The following COMMD1 variants were observed in gnomAD, a reference collection of about 807,000 sequenced individuals.
The protein encoded by COMMD1 is copper metabolism domain containing 1.
COMMD1 carries 10 observed loss-of-function variants against 17.2 expected under a neutral mutation model. The observed-to-expected ratio is 0.58, with a 90% CI of 0.36 to 0.99. The LOEUF is 0.99. Among genes scored for constraint, COMMD1 ranks in the 50% least tolerant of loss-of-function variants. The pLI is 0.01. For synonymous variants in COMMD1, 97 were observed against 91.6 expected, an observed-to-expected ratio of 1.06 and a Z score of -0.34; for missense variants, 270 against 231.8, an observed-to-expected ratio of 1.17 and a Z score of -1.07.
At chr2:61,912,712 C>T (rs560517766) in intron 1 of COMMD1, among the ~76,000 whole-genome samples, 5 of 143,932 alleles carry the variant, frequency 3.5e-5, no homozygotes, top group Non-Finnish European at 6.0e-5. Flanking sequence ...TCCAGCCTGG[C>T]GACAGAGCAA....
chr2:61,901,239 G>A (rs926685033), upstream of COMMD1, among the ~76,000 whole-genome samples: 7 of 151,812 alleles, frequency 4.6e-5, no homozygotes, highest in South Asian at 8.3e-4. Context: ...GAGCCACTGC[G>A]CACGACCAAA....
chr2:62,022,822 C>T (rs546823374), intron 2 of COMMD1, among the ~76,000 whole-genome samples: 10 of 152,242 alleles, frequency 6.6e-5, no homozygotes, highest in African/African-American at 2.2e-4. Flanking sequence ...ATGAGTGAGG[C>T]TTAAAGCCAG....
intron 2 of COMMD1, among the ~76,000 whole-genome samples, chr2:62,047,086 TG>T (rs1670404145): frequency 6.6e-6 from 1 of 152,158 alleles, no homozygotes; most frequent in Non-Finnish European, 1.5e-5. Context: ...ACAATCTGGT[TG>T]GGAAGACAGA....
intron 2 of COMMD1, among the ~76,000 whole-genome samples, chr2:62,053,383 A>G (rs927887898): frequency 2.0e-5 from 3 of 152,040 alleles, no homozygotes; most frequent in South Asian, 2.1e-4. Context: ...GTTTTGTGCA[A>G]TGAAAAAAAA....
intron 1 of COMMD1, among the ~76,000 whole-genome samples, chr2:61,988,501 G>T (rs929678622): frequency 6.6e-6 from 1 of 152,144 alleles, no homozygotes; most frequent in Non-Finnish European, 1.5e-5. Context: ...TCTCCTTGGT[G>T]CACTGTCTTA....
chr2:61,915,734 C>T (rs1388877960), intron 1 of COMMD1: 1 of 453,012 alleles, frequency 2.2e-6, no homozygotes. Flanking sequence ...TGGGCTTAAG[C>T]AACCCTCTCT....
chr2:62,127,051 C>G (rs1170241716), intron 2 of COMMD1, among the ~76,000 whole-genome samples: 1 of 152,110 alleles, frequency 6.6e-6, no homozygotes, highest in Non-Finnish European at 1.5e-5. Flanking sequence ...AATCAGTGTG[C>G]AAAAGTCACA....
chr2:61,954,529 G>C (rs963990091), intron 1 of COMMD1, among the ~76,000 whole-genome samples: 1 of 152,150 alleles, frequency 6.6e-6, no homozygotes, highest in Non-Finnish European at 1.5e-5. Flanking sequence ...AAAGGTAAGA[G>C]GGAAGTTAAT....
intron 2 of COMMD1, among the ~76,000 whole-genome samples, chr2:62,008,481 TTTATCAACG>T (rs1466866721): frequency 6.6e-6 from 1 of 152,210 alleles, no homozygotes; most frequent in Non-Finnish European, 1.5e-5. Context: ...GCCATTTTAT[TTTATCAACG>T]TTCAGTCACC....
At chr2:62,090,873 C>G (rs1309527498) in intron 2 of COMMD1, 1 of 152,170 alleles carries the variant, frequency 6.6e-6, no homozygotes, top group East Asian at 1.9e-4. Context: ...GGGGAGTATT[C>G]TTGTATTGTT....
intron 2 of COMMD1, among the ~76,000 whole-genome samples, chr2:62,121,841 G>C (rs1672758514): frequency 6.6e-6 from 1 of 152,002 alleles, no homozygotes; most frequent in Non-Finnish European, 1.5e-5. Context: ...ACCCAGGTTG[G>C]AGTGCAGTGG....
At chr2:61,888,615 AG>A, upstream of COMMD1, 1 of 1,342,976 alleles carries the variant, frequency 7.4e-7, no homozygotes, top group Non-Finnish European at 9.9e-7. Flanking sequence ...CGAACCTTCC[AG>A]AAAGCGGCGC....
intron 2 of COMMD1, chr2:62,084,878 AG>A (rs766096885): frequency 6.6e-6 from 1 of 152,226 alleles, no homozygotes; most frequent in Non-Finnish European, 1.5e-5. Flanking sequence ...AAACCTAAGT[AG>A]GAAAAATGAC....
At chr2:62,046,413 G>A (rs886879169) in intron 2 of COMMD1, among the ~76,000 whole-genome samples, 1 of 152,188 alleles carries the variant, frequency 6.6e-6, no homozygotes, top group African/African-American at 2.4e-5. Flanking sequence ...CAAGGTAAAT[G>A]TGACTAGTCA....
At chr2:62,100,334 T>G (rs1672141707) in intron 2 of COMMD1, 1 of 151,980 alleles carries the variant, frequency 6.6e-6, no homozygotes, top group Non-Finnish European at 1.5e-5. Context: ...TGTTGAAGAG[T>G]CAAACACTGT....
At chr2:61,910,259 CT>C (rs980935941) in intron 1 of COMMD1, among the ~76,000 whole-genome samples, 5 of 150,548 alleles carry the variant, frequency 3.3e-5, no homozygotes, top group Non-Finnish European at 7.4e-5. Flanking sequence ...CTGCCCCCCC[CT>C]TTTTTTTTAA....
At chr2:62,091,851 C>A (rs1192035482) in intron 2 of COMMD1, among the ~76,000 whole-genome samples, 1 of 152,168 alleles carries the variant, frequency 6.6e-6, no homozygotes, top group Non-Finnish European at 1.5e-5. Context: ...CTGGTTAGAC[C>A]CCCTCAGTGA....
chr2:62,100,667 A>C (rs549780496), intron 2 of COMMD1, among the ~76,000 whole-genome samples: 1 of 152,286 alleles, frequency 6.6e-6, no homozygotes, highest in South Asian at 2.1e-4. Context: ...CAGAAAGGAA[A>C]TGTCCAGGTT....
chr2:61,904,884 A>G (rs572012050), upstream of COMMD1, among the ~76,000 whole-genome samples: 1 of 152,298 alleles, frequency 6.6e-6, no homozygotes, highest in Admixed American at 6.5e-5. Context: ...CATTACTTTC[A>G]GTCTCCATGG....
Sources: gnomAD v4.1 joint callset for allele counts (sites outside exome capture counted in the v4.1 genomes callset) on GRCh38, gnomAD v4.1.1 for gene constraint, MANE v1.5 for transcripts, NCBI Gene and HGNC (gene_info 2026-07-23, HGNC 2026-07-21) for gene names.